The following COL22A1 variants were observed in gnomAD, a reference collection of about 807,000 sequenced individuals.
COL22A1 encodes collagen type XXII alpha 1 chain.
In COL22A1, 221 loss-of-function variants were observed where a neutral mutation model predicts 248.9. That is an observed-to-expected ratio of 0.89 (90% CI 0.80 to 0.99). The LOEUF (loss-of-function observed/expected upper bound fraction) is 0.99, where lower values mean the gene tolerates loss of function less well. Among genes scored for constraint, COL22A1 ranks in the 50% least tolerant of loss-of-function variants. COL22A1 has a pLI of 0.00. For synonymous variants in COL22A1, 891 were observed against 793.4 expected (o/e 1.12, Z -2.07); for missense variants, 2,240 against 2,179.0 (o/e 1.03, Z -0.56).
chr8:138,861,446 T>C (rs1015845665), intron 3 of COL22A1, among the ~76,000 whole-genome samples: 1 of 152,140 alleles, frequency 6.6e-6, no homozygotes, highest in African/African-American at 2.4e-5. Flanking sequence ...CCTATCTAGA[T>C]AGACTATTCC....
intron 47 of COL22A1, among the ~76,000 whole-genome samples, chr8:138,645,656 T>C (rs1052553363): frequency 2.0e-5 from 3 of 152,182 alleles, no homozygotes; most frequent in African/African-American, 7.2e-5. Context: ...TAGTTAACTT[T>C]AGGAAACAAA....
intron 18 of COL22A1, among the ~76,000 whole-genome samples, chr8:138,757,494 A>C (rs1355031355): frequency 1.3e-5 from 2 of 152,168 alleles, no homozygotes; most frequent in African/African-American, 4.8e-5. Context: ...TTCCAATAAC[A>C]GTTATGAAAT....
chr8:138,899,424 C>G (rs537131400), intron 1 of COL22A1, among the ~76,000 whole-genome samples: 2 of 152,188 alleles, frequency 1.3e-5, no homozygotes, highest in Non-Finnish European at 2.9e-5. Flanking sequence ...ACAATACCCT[C>G]AAGGGTTCAG....
intron 36 of COL22A1, among the ~76,000 whole-genome samples, chr8:138,690,443 A>G (rs1294333984): frequency 6.6e-6 from 1 of 152,250 alleles, no homozygotes; most frequent in Non-Finnish European, 1.5e-5. Flanking sequence ...GCTTGCCAAG[A>G]TGGTCATGTC....
chr8:138,640,655 T>A (rs1821602497), intron 47 of COL22A1, among the ~76,000 whole-genome samples: 1 of 152,198 alleles, frequency 6.6e-6, no homozygotes, highest in South Asian at 2.1e-4. Context: ...TTGTTGTGGT[T>A]GTTGTTAACT....
chr8:138,857,120 C>A (rs2131936145), intron 3 of COL22A1, among the ~76,000 whole-genome samples: 1 of 152,154 alleles, frequency 6.6e-6, no homozygotes, highest in South Asian at 2.1e-4. Flanking sequence ...CGCCTGCACT[C>A]CTGCCTCTGC....
At chr8:138,709,302 G>T (rs1828747723) in intron 30 of COL22A1, among the ~76,000 whole-genome samples, 1 of 152,010 alleles carries the variant, frequency 6.6e-6, no homozygotes, top group African/African-American at 2.4e-5. Flanking sequence ...ATACCCAAAG[G>T]ATTATAAATC....
At chr8:138,666,559 C>T (rs993927958) in intron 41 of COL22A1, among the ~76,000 whole-genome samples, 1 of 152,238 alleles carries the variant, frequency 6.6e-6, no homozygotes, top group South Asian at 2.1e-4. Context: ...CTTCATTCTA[C>T]CTCACTGCTT....
At chr8:138,802,223 C>T (rs1398806229) in intron 11 of COL22A1, among the ~76,000 whole-genome samples, 1 of 152,100 alleles carries the variant, frequency 6.6e-6, no homozygotes, top group Non-Finnish European at 1.5e-5. Context: ...CTGAGGGCCA[C>T]CCTGAACTGT....
chr8:138,608,725 G>A (rs748558201), intron 56 of COL22A1, among the ~76,000 whole-genome samples: 2 of 152,198 alleles, frequency 1.3e-5, no homozygotes, highest in Non-Finnish European at 2.9e-5. Flanking sequence ...AAATTTCTAT[G>A]AAGCCAAAAA....
At chr8:138,888,451 C>T (rs988532419) in intron 1 of COL22A1, among the ~76,000 whole-genome samples, 1 of 152,152 alleles carries the variant, frequency 6.6e-6, no homozygotes, top group African/African-American at 2.4e-5. Flanking sequence ...TCTGCCAGGC[C>T]CCAGAGTGGG....
chr8:138,772,200 A>G (rs1879042), intron 16 of COL22A1, among the ~76,000 whole-genome samples: 38,527 of 152,190 alleles, frequency 0.25, 6,141 homozygotes, highest in African/African-American at 0.43. Context: ...CGTCTCTCGC[A>G]TGGGCCCGGT....
intron 41 of COL22A1, among the ~76,000 whole-genome samples, chr8:138,671,019 C>T (rs548612017): frequency 3.8e-4 from 50 of 130,378 alleles, no homozygotes; most frequent in Non-Finnish European, 6.8e-4. Context: ...AAAGTGAACA[C>T]GAACTTTTGT....
chr8:138,772,566 T>C (rs1834465552), intron 16 of COL22A1, among the ~76,000 whole-genome samples: 1 of 152,216 alleles, frequency 6.6e-6, no homozygotes, highest in South Asian at 2.1e-4. Context: ...ACTGAGGCAA[T>C]GAATAGAATA....
intron 22 of COL22A1, among the ~76,000 whole-genome samples, chr8:138,749,383 A>G (rs1300443774): frequency 2.0e-5 from 3 of 152,240 alleles, no homozygotes; most frequent in African/African-American, 7.2e-5. Flanking sequence ...TCATCTTTAT[A>G]TAAACAGTTC....
intron 12 of COL22A1, among the ~76,000 whole-genome samples, chr8:138,784,427 T>G (rs947744664): frequency 1.3e-5 from 2 of 152,198 alleles, no homozygotes; most frequent in African/African-American, 4.8e-5. Flanking sequence ...GGCAGGTGCT[T>G]TCTCAGCCTC....
chr8:138,827,046 C>G (rs1819643401), intron 5 of COL22A1: 3 of 446,482 alleles, frequency 6.7e-6, no homozygotes, highest in Non-Finnish European at 1.2e-5. Flanking sequence ...ATCTCTCCAC[C>G]ACCACCATGA....
chr8:138,911,094 T>G, intron 1 of COL22A1, among the ~76,000 whole-genome samples: 1 of 152,220 alleles, frequency 6.6e-6, no homozygotes, highest in East Asian at 1.9e-4. Flanking sequence ...AGATCAGCCT[T>G]ACAACAGCCA....
chr8:138,663,012 T>TCTCACACACACACA (rs1554737802), intron 42 of COL22A1, among the ~76,000 whole-genome samples: 1 of 140,772 alleles, frequency 7.1e-6, no homozygotes, highest in East Asian at 2.1e-4. Context: ...CAGGACTCTG[T>TCTCACACACACACA]CACTCACACA....
Sources: allele counts gnomAD v4.1 joint callset (sites outside exome capture counted in the v4.1 genomes callset), GRCh38; gene constraint gnomAD v4.1.1; transcripts MANE v1.5; gene names NCBI Gene and HGNC (gene_info 2026-07-23, HGNC 2026-07-21).